SMG9: variants seen among roughly 807,000 people sequenced by gnomAD.
SMG9 encodes nonsense-mediated mRNA decay factor SMG9.
SMG9 carries 55 observed loss-of-function variants against 64.0 expected under a neutral mutation model. That is an observed-to-expected ratio of 0.86 (90% CI 0.69 to 1.08). The LOEUF is 1.08. SMG9 is among the 50% of genes least tolerant of loss of function. The pLI is 0.00. For missense variants in SMG9, 554 were observed against 681.3 expected (o/e 0.81, Z 2.08); for synonymous variants, 244 against 254.8 (o/e 0.96, Z 0.41).
At chr19:43,745,365 GT>G (rs112917489) in intron 5 of SMG9, among the ~76,000 whole-genome samples, 13 of 150,786 alleles carry the variant, frequency 8.6e-5, no homozygotes, top group Non-Finnish European at 1.6e-4. Context: ...GTGTTTTTTT[GT>G]TTTTTTTTAC....
rs779105963 is a variant in SMG9 at position 43,747,757 on chromosome 19, G to C, written c.366C>G (p.Thr122=). 3.1e-6 allele frequency: 5 copies of C among 1,608,858 alleles called. No homozygotes were observed. In the African/African-American group the frequency reaches 4.0e-5, roughly 13 times the overall value. The change falls in exon 4 of 14, where the codon ACC becomes ACG. Residue 122 remains threonine (T), a synonymous_variant. Coordinates refer to ENST00000270066, the MANE Select transcript of SMG9 (RefSeq NM_019108.4). ...CAGGGGCTGCAGGGGGTGGTGGGGC[G>C]GTGCCCTCAGGGGTAGAGGCACCTG... ...AVTGASTPEG[T]APPPPAAPAP...
chr19:43,738,609 A>G (rs1968749483), intron 7 of SMG9, among the ~76,000 whole-genome samples: 1 of 152,210 alleles, frequency 6.6e-6, no homozygotes, highest in Non-Finnish European at 1.5e-5. Flanking sequence ...AATTTTAAAA[A>G]CTGCATCAGT....
chr19:43,748,340 G>C (rs1969093517), intron 2 of SMG9, among the ~76,000 whole-genome samples: 1 of 152,226 alleles, frequency 6.6e-6, no homozygotes, highest in South Asian at 2.1e-4. Context: ...CAGGAGGAAA[G>C]GAACTAGGAG....
At chr19:43,751,642 G>A (rs181970406) in intron 1 of SMG9, among the ~76,000 whole-genome samples, 1 of 152,384 alleles carries the variant, frequency 6.6e-6, no homozygotes, top group African/African-American at 2.4e-5. Context: ...GACACTAGAA[G>A]TGTGGCTTGG....
chr19:43,733,656 G>C lies in SMG9; in HGVS notation c.1180C>G (p.Leu394Val). The change falls in exon 11 of 14, where the codon CTC (leucine) becomes GTC (valine). Residue 394 changes from leucine (L) to valine (V), a missense_variant. By Grantham distance (32) the Leu-to-Val change is conservative. Transcript: ENST00000270066. ...TAACGCAGGTGGGAGTGGGCCATGA[G>C]CTGGTCAATCATCAGGTGCATCTGC... Reference protein sequence around the residue: ...LRQMHLMIDQLMAHSHLRYKG... With the variant: ...LRQMHLMIDQVMAHSHLRYKG... 6.2e-7 allele frequency: 1 copy of C among 1,614,134 alleles called. No homozygotes were observed.
chr19:43,737,204 T>C (rs1376689773), intron 9 of SMG9, among the ~76,000 whole-genome samples: 3 of 151,974 alleles, frequency 2.0e-5, no homozygotes, highest in South Asian at 2.1e-4. Context: ...ACCCAGAAGA[T>C]GGAGACTGCA....
intron 2 of SMG9, 132 bp from the exon 3 acceptor site, chr19:43,748,184 A>G: frequency 1.9e-6 from 2 of 1,070,728 alleles, no homozygotes; most frequent in Non-Finnish European, 2.6e-6. Context: ...TGAGATAGAT[A>G]CTATTATTAC....
chr19:43,732,788 AG>A, intron 13 of SMG9, 69 bp downstream of exon 13: 1 of 1,587,164 alleles, frequency 6.3e-7, no homozygotes, highest in South Asian at 1.1e-5. Flanking sequence ...TGCCGATCTA[AG>A]GGACGCCCCC....
At chr19:43,733,222 A>C (rs1968542416) in intron 12 of SMG9, 102 bp downstream of exon 12, 6 of 1,513,642 alleles carry the variant, frequency 4.0e-6, no homozygotes, top group Non-Finnish European at 5.3e-6. Context: ...ACTGCTCCCA[A>C]ACCAGGGCAA....
intron 2 of SMG9, among the ~76,000 whole-genome samples, chr19:43,749,967 G>T (rs1969143056): frequency 6.6e-6 from 1 of 152,226 alleles, no homozygotes; most frequent in African/African-American, 2.4e-5. Context: ...ACCTCATGGG[G>T]TAGCTGTAAG....
At chr19:43,741,959 C>CCAA (rs1483192115) in intron 6 of SMG9, among the ~76,000 whole-genome samples, 3 of 152,034 alleles carry the variant, frequency 2.0e-5, no homozygotes, top group Non-Finnish European at 2.9e-5. Flanking sequence ...ACCAGCTTGG[C>CCAA]CAACATGGTG....
At position 43,733,329 on chromosome 19, in the gene SMG9, C is replaced by G. The variant is rs1968546132; in HGVS notation, c.1334G>C (p.Arg445Thr). The change falls in exon 12 of 14, where the codon AGA becomes ACA. Residue 445 changes from arginine to threonine, a missense_variant. By Grantham distance (71) the Arg-to-Thr change is moderately conservative. Transcript: ENST00000270066. ...CCTGTTGAGGGTAACTGTACCTGCT[C>G]TTGGTGGGTTTTCACTCTCTGCTTC... The part of the protein sequence containing the change: ...DSEAESENPP[R>T]AGPGSSPLFS... 6.2e-7 allele frequency: 1 copy of G among 1,613,904 alleles called. No homozygotes were observed. The highest frequency in any genetic ancestry group is 1.3e-5 in the African/African-American group (1 of 74,882).
intron 13 of SMG9, among the ~76,000 whole-genome samples, chr19:43,731,932 C>G (rs1968498275): frequency 6.6e-6 from 1 of 152,246 alleles, no homozygotes; most frequent in African/African-American, 2.4e-5. Context: ...TCTCCACCAC[C>G]TAAACTTCTC....
chr19:43,754,397 C>T (rs920585618), intron 1 of SMG9: 1 of 152,244 alleles, frequency 6.6e-6, no homozygotes, highest in African/African-American at 2.4e-5. Flanking sequence ...GCGGCCTCCC[C>T]AGTACTTGAC....
chr19:43,735,263 G>A (rs1722826618), intron 9 of SMG9, among the ~76,000 whole-genome samples: 1 of 152,032 alleles, frequency 6.6e-6, no homozygotes, highest in South Asian at 2.1e-4. Context: ...TTATCCATTC[G>A]ATTTACTGAA....
In SMG9 at chr19:43,733,794, T is replaced by C; in HGVS notation, c.1103-61A>G. 4.8e-6 allele frequency: 6 copies of C among 1,248,950 alleles called. No homozygotes were observed. The South Asian group carries it at 7.5e-5, about 16-fold the overall frequency. The allele number at this position is 1,248,950 out of a possible 1,614,324, so 77.4% of individuals were successfully genotyped here. ...CATCGCTTGGCTTCATGGACTCCCC[T>C]TTCTCACCCCAAAGACCTGTTGTTA... On this transcript the variant is annotated intron_variant, in intron 10 of 13. Coordinates refer to ENST00000270066, the MANE Select transcript of SMG9 (RefSeq NM_019108.4).
chr19:43,731,424 A>AG lies in SMG9; in HGVS notation c.*171dup, dbSNP rs1968480024. Reference sequence around the variant, plus strand: ...GTCACCCCCGGAACAGCCCCAACTGAGGGTGGGGGGCCTGGCCCTGGACAC... The same window carrying AG: ...GTCACCCCCGGAACAGCCCCAACTGAGGGGTGGGGGGCCTGGCCCTGGACAC... On this transcript the variant is annotated 3_prime_UTR_variant, in exon 14 of 14. Transcript: ENST00000270066. 5.6e-6 allele frequency: 8 copies of AG among 1,431,334 alleles called. No individual in the cohort carries two copies. The African/African-American group carries it at 7.3e-5, about 13-fold the overall frequency. The allele number at this position is 1,431,334 out of a possible 1,614,324, so 88.7% of individuals were successfully genotyped here.
At position 43,741,604 on chromosome 19, in the gene SMG9, A is replaced by G. The variant is rs143136363; in HGVS notation, c.702-1386T>C. 5.9e-4 allele frequency among the ~76,000 whole-genome samples: 90 copies of G among 152,322 alleles called. No individual in the cohort carries two copies. The East Asian group carries it at 0.015, about 26-fold the overall frequency. ...AGATAGGCTTACAAGGCCCAGTGCC[A>G]GAGTGCCTCGCTCTGCCTCTCTGGC... is the stretch of plus-strand genomic sequence containing the variant. On this transcript the variant is annotated intron_variant, in intron 6 of 13. Coordinates refer to ENST00000270066, the MANE Select transcript of SMG9 (RefSeq NM_019108.4).
rs771986787 is a variant in SMG9 at position 43,732,966 on chromosome 19, C to G, written c.1376G>C (p.Gly459Ala). Residue 459 changes from glycine (G) to alanine (A), a missense_variant, in exon 13 of 14, where the codon GGG (glycine) becomes GCG (alanine). Gly to Ala is a moderately conservative substitution (Grantham distance 60, BLOSUM62 0). Coordinates refer to ENST00000270066, the MANE Select transcript of SMG9 (RefSeq NM_019108.4). ...GSSPLFSLLP[G>A]YRGHPSFQSL... Reference sequence around the variant, plus strand: ...CTGGAAACTGGGGTGGCCACGATACCCAGGCAGCAGGGAGAAGAGTGGGCT... The same window carrying G: ...CTGGAAACTGGGGTGGCCACGATACGCAGGCAGCAGGGAGAAGAGTGGGCT... The G allele has an allele frequency of 6.2e-7, 1 of 1,613,606 alleles. No individual in the cohort carries two copies. The highest frequency in any genetic ancestry group is 8.5e-7 in the Non-Finnish European group (1 of 1,179,768).
Sources: allele counts gnomAD v4.1 joint callset (sites outside exome capture counted in the v4.1 genomes callset), GRCh38; gene constraint gnomAD v4.1.1; transcripts MANE v1.5; gene names NCBI Gene and HGNC (gene_info 2026-07-23, HGNC 2026-07-21).